SESTD1: variants seen among roughly 807,000 people sequenced by gnomAD.
SESTD1 encodes the protein SEC14 and spectrin domain containing 1.
SESTD1 carries 43 observed loss-of-function variants against 101.7 expected under a neutral mutation model. The ratio of observed to expected loss-of-function variants is 0.42; its 90% CI spans 0.33 to 0.55. The LOEUF (loss-of-function observed/expected upper bound fraction) is 0.55, where lower values mean the gene tolerates loss of function less well. Among genes scored for constraint, SESTD1 ranks in the 20% least tolerant of loss-of-function variants. The probability of loss-of-function intolerance (pLI) is 0.07; values close to 1 mark genes in which losing one functional copy is unlikely to be tolerated. For synonymous variants in SESTD1, 283 were observed against 286.8 expected (o/e 0.99, Z 0.13); for missense variants, 647 against 815.1 (o/e 0.79, Z 2.51).
At position 179,213,333 on chromosome 2, in the gene SESTD1, C is replaced by A. The variant is rs1392424114; in HGVS notation, c.-25-21467G>T. Among the ~76,000 whole-genome samples, 4 of 134,536 alleles carry A rather than the reference C, an allele frequency of 3.0e-5. 1 individual carries two copies. Among genetic ancestry groups the A allele is most frequent in the Non-Finnish European group, 6.4e-5 (4 of 62,752 alleles). 88.3% of individuals were successfully genotyped at this position (134,536 alleles called of 152,430 possible). On this transcript the variant is annotated intron_variant, in intron 1 of 17. Coordinates refer to ENST00000428443, the MANE Select transcript of SESTD1 (RefSeq NM_178123.5). ...CCTGATGGAGCTGAAAACCATGGCA[C>A]AAGAACTTCAAGACGCAGGCACAAG...
intron 3 of SESTD1, among the ~76,000 whole-genome samples, chr2:179,176,796 A>C (rs1458239309): frequency 2.6e-5 from 4 of 152,366 alleles, no homozygotes; most frequent in Non-Finnish European, 5.9e-5. Flanking sequence ...ATAAAAGTCA[A>C]TGTCTTAAAA....
intron 5 of SESTD1, among the ~76,000 whole-genome samples, chr2:179,171,553 G>A (rs1011572255): frequency 6.6e-6 from 1 of 152,090 alleles, no homozygotes; most frequent in African/African-American, 2.4e-5. Flanking sequence ...CTCCTACTGG[G>A]AAGTTGAGAA....
At chr2:179,132,562 T>C in intron 9 of SESTD1, 136 bp from the exon 10 acceptor site, 1 of 977,406 alleles carries the variant, frequency 1.0e-6, no homozygotes, top group Non-Finnish European at 1.4e-6. Context: ...ACATAGGCAG[T>C]AAATGTTTCT....
chr2:179,157,053 T>G (rs1194208571), intron 5 of SESTD1, among the ~76,000 whole-genome samples: 1 of 152,186 alleles, frequency 6.6e-6, no homozygotes, highest in East Asian at 1.9e-4. Flanking sequence ...TAGCCAATTA[T>G]CCCAGCACCA....
rs759296680 is a variant in SESTD1 at position 179,132,331 on chromosome 2, T to C, written c.945A>G (p.Lys315=). The change falls in exon 10 of 18, where the codon AAA becomes AAG. Residue 315 remains lysine, a synonymous_variant. Transcript: ENST00000428443. ...SIRASQALQQ[K]HEEIESQHSE... is the part of the protein sequence containing the mutation. ...TGTGCTGGCTCTCAATCTCTTCGTGTTTCTGCTGTAGGGCCTGGGAGGCCC... is the reference window on the plus strand; with the variant it reads ...TGTGCTGGCTCTCAATCTCTTCGTGCTTCTGCTGTAGGGCCTGGGAGGCCC... The C allele has an allele frequency of 3.2e-6, 5 of 1,557,566 alleles. No homozygotes were observed. Among genetic ancestry groups the C allele is most frequent in the Non-Finnish European group, 3.4e-6 (4 of 1,163,434 alleles).
In SESTD1 at chr2:179,176,033, G is replaced by A. The variant is rs2046006431; in HGVS notation, c.255+415C>T. The stretch of plus-strand genomic sequence containing the variant: ...AGAGAAAGACATGCCAGAATCACCT[G>A]AGAAGTTTCTTCAAACTACACTTAA... On this transcript the variant is annotated intron_variant, in intron 4 of 17. Coordinates refer to ENST00000428443, the MANE Select transcript of SESTD1 (RefSeq NM_178123.5). 2.0e-5 allele frequency among the ~76,000 whole-genome samples: 3 copies of A among 152,258 alleles called. No homozygotes were observed. In the South Asian group the frequency reaches 6.2e-4, roughly 32 times the overall value.
intron 1 of SESTD1, among the ~76,000 whole-genome samples, chr2:179,194,250 G>T (rs2046358494): frequency 6.6e-6 from 1 of 151,970 alleles, no homozygotes; most frequent in Non-Finnish European, 1.5e-5. Flanking sequence ...CCTTATCAGG[G>T]ATTCTACTCC....
At chr2:179,166,690 T>C (rs776288922) in intron 5 of SESTD1, among the ~76,000 whole-genome samples, 2 of 152,134 alleles carry the variant, frequency 1.3e-5, no homozygotes, top group Admixed American at 6.6e-5. Context: ...CAGAAAGACT[T>C]TCTCTGAGGC....
At chr2:179,184,322 T>C (rs2046173069) in intron 2 of SESTD1, among the ~76,000 whole-genome samples, 1 of 152,158 alleles carries the variant, frequency 6.6e-6, no homozygotes, top group Non-Finnish European at 1.5e-5. Context: ...ACATGATCGC[T>C]AGACATCTAT....
intron 1 of SESTD1, among the ~76,000 whole-genome samples, chr2:179,204,622 A>G (rs556751594): frequency 3.7e-5 from 5 of 134,464 alleles, no homozygotes; most frequent in African/African-American, 1.5e-4. Flanking sequence ...AGCCAAAAAA[A>G]CCTCTCTACT....
rs1054469285 is a variant in SESTD1 at position 179,201,144 on chromosome 2, T to G, written c.-25-9278A>C. The stretch of plus-strand genomic sequence containing the variant: ...AACAGACACTTCTCAAAAGAAGACA[T>G]TAATGCAGCCAAAAAACACATGAAA... On this transcript the variant is annotated intron_variant, in intron 1 of 17. Coordinates refer to ENST00000428443, the MANE Select transcript of SESTD1 (RefSeq NM_178123.5). 2.4e-4 allele frequency among the ~76,000 whole-genome samples: 32 copies of G among 134,872 alleles called. 9 individuals carry two copies. Among genetic ancestry groups the G allele is most frequent in the Non-Finnish European group, 4.0e-4 (25 of 62,844 alleles). The allele number at this position is 134,872 out of a possible 152,430, so 88.5% of individuals were successfully genotyped here.
At chr2:179,263,966 C>T (rs1053606456) in intron 1 of SESTD1, 15 of 152,364 alleles carry the variant, frequency 9.8e-5, no homozygotes, top group African/African-American at 2.6e-4. Context: ...GAGCCCGTGT[C>T]CTCCACCCAC....
chr2:179,176,383 C>T, intron 4 of SESTD1, 65 bp downstream of exon 4: 2 of 1,252,638 alleles, frequency 1.6e-6, no homozygotes, highest in Non-Finnish European at 2.3e-6. Context: ...ATGCATTTGC[C>T]ATTTTCACCA....
At chr2:179,188,292 C>A (rs2046266226) in intron 2 of SESTD1, among the ~76,000 whole-genome samples, 1 of 152,164 alleles carries the variant, frequency 6.6e-6, no homozygotes, top group Non-Finnish European at 1.5e-5. Context: ...CAAAACCACA[C>A]AATTACATGA....
chr2:179,191,969 T>C, intron 1 of SESTD1, 103 bp from the exon 2 acceptor site: 2 of 763,694 alleles, frequency 2.6e-6, no homozygotes, highest in South Asian at 1.7e-5. Flanking sequence ...TGAGAACTAC[T>C]GACATTTTGA....
At chr2:179,228,527 C>T (rs1218379474) in intron 1 of SESTD1, among the ~76,000 whole-genome samples, 1 of 152,130 alleles carries the variant, frequency 6.6e-6, no homozygotes, top group Non-Finnish European at 1.5e-5. Context: ...ACTAGGGACT[C>T]ATCCTACATC....
intron 9 of SESTD1, among the ~76,000 whole-genome samples, chr2:179,133,045 T>A (rs2045047197): frequency 6.6e-6 from 1 of 152,118 alleles, no homozygotes; most frequent in Non-Finnish European, 1.5e-5. Context: ...CTTGGACTCT[T>A]CTTAGGATCA....
intron 1 of SESTD1, among the ~76,000 whole-genome samples, chr2:179,256,241 C>T (rs1488177041): frequency 6.6e-6 from 1 of 152,186 alleles, no homozygotes; most frequent in Non-Finnish European, 1.5e-5. Flanking sequence ...ATAGTGATTT[C>T]TCTGATGGAT....
intron 3 of SESTD1, among the ~76,000 whole-genome samples, chr2:179,177,113 C>T (rs1011207409): frequency 1.3e-5 from 2 of 152,194 alleles, no homozygotes; most frequent in Non-Finnish European, 2.9e-5. Context: ...TATGCTCTCA[C>T]TTTTGCATTG....
Sources: allele counts gnomAD v4.1 joint callset (sites outside exome capture counted in the v4.1 genomes callset), GRCh38; gene constraint gnomAD v4.1.1; transcripts MANE v1.5; gene names NCBI Gene and HGNC (gene_info 2026-07-23, HGNC 2026-07-21).